MEF2C: variants seen among roughly 807,000 people sequenced by gnomAD.
MEF2C encodes the protein myocyte enhancer factor 2C.
Under a neutral mutation model 50.5 loss-of-function variants are expected in MEF2C, and 6 were observed. The observed-to-expected ratio is 0.12, with a 90% confidence interval of 0.07 to 0.23. The LOEUF (loss-of-function observed/expected upper bound fraction) is 0.23. MEF2C is among the 10% of genes least tolerant of loss of function. MEF2C has a pLI of 1.00. For missense variants in MEF2C, 276 were observed against 605.0 expected, an observed-to-expected ratio of 0.46 and a Z score of 5.70; for synonymous variants, 183 against 228.0, an observed-to-expected ratio of 0.80 and a Z score of 1.78.
At chr5:88,731,683 A>AT (rs1417578140) in intron 7 of MEF2C, 46 bp downstream of exon 7, 1 of 1,538,878 alleles carries the variant, frequency 6.5e-7, no homozygotes, top group South Asian at 1.1e-5. Context: ...AGCAAAACAT[A>AT]TACAAAACAT....
chr5:88,748,042 T>C (rs754882347), intron 6 of MEF2C: 59 of 984,480 alleles, frequency 6.0e-5, no homozygotes, highest in Non-Finnish European at 7.0e-5. Context: ...TGTTTGCTAA[T>C]CACTGTGTAG....
At chr5:88,889,634 G>C (rs1424304956) in intron 1 of MEF2C, among the ~76,000 whole-genome samples, 1 of 151,806 alleles carries the variant, frequency 6.6e-6, no homozygotes, top group Non-Finnish European at 1.5e-5. Context: ...CTTGTATTTA[G>C]TTGGGGGTTG....
At chr5:88,825,573 T>C in intron 1 of MEF2C, 2 of 979,962 alleles carry the variant, frequency 2.0e-6, no homozygotes, top group Non-Finnish European at 2.4e-6. Flanking sequence ...AGTTATAACA[T>C]ATTGAAATCA....
intron 6 of MEF2C, chr5:88,735,861 T>G: frequency 4.0e-5 from 39 of 985,420 alleles, no homozygotes; most frequent in Non-Finnish European, 4.6e-5. Context: ...GTAGCTCTCT[T>G]TGAGCTCAAA....
intron 1 of MEF2C, among the ~76,000 whole-genome samples, chr5:88,834,041 A>G (rs1814071213): frequency 6.6e-6 from 1 of 151,944 alleles, no homozygotes; most frequent in African/African-American, 2.4e-5. Flanking sequence ...ATCTGTGCAA[A>G]ACTCCAGAAC....
intron 1 of MEF2C, among the ~76,000 whole-genome samples, chr5:88,835,768 G>C (rs1423753199): frequency 6.8e-6 from 1 of 146,010 alleles, no homozygotes; most frequent in African/African-American, 2.6e-5. Context: ...AGCTGAGGTT[G>C]CACCATTGCA....
At chr5:88,815,793 G>A (rs763096146) in intron 2 of MEF2C, among the ~76,000 whole-genome samples, 8 of 151,820 alleles carry the variant, frequency 5.3e-5, no homozygotes, top group Admixed American at 1.3e-4. Flanking sequence ...GAAACAATTA[G>A]CATCATGTCT....
At chr5:88,885,316 G>A (rs1833958707), upstream of MEF2C, among the ~76,000 whole-genome samples, 1 of 152,126 alleles carries the variant, frequency 6.6e-6, no homozygotes, top group Admixed American at 6.5e-5. Context: ...ACTTGAAAGG[G>A]GAAGGTTTAT....
chr5:88,898,835 A>G (rs914717767), intron 1 of MEF2C, among the ~76,000 whole-genome samples: 2 of 152,130 alleles, frequency 1.3e-5, no homozygotes, highest in Non-Finnish European at 2.9e-5. Context: ...CCCCAGCTGT[A>G]TTTATCCATT....
intron 3 of MEF2C, among the ~76,000 whole-genome samples, chr5:88,764,965 A>G (rs944263458): frequency 6.6e-6 from 1 of 152,318 alleles, no homozygotes; most frequent in South Asian, 2.1e-4. Context: ...ACATCAGTTT[A>G]TGAATGAAAA....
chr5:88,731,530 A>ATT (rs11439565), intron 7 of MEF2C, 199 bp downstream of exon 7: 10 of 513,032 alleles, frequency 1.9e-5, no homozygotes, highest in African/African-American at 3.9e-5. Flanking sequence ...ATATATATAT[A>ATT]TTTTTTTTAC....
chr5:88,766,894 T>A, intron 3 of MEF2C: 1 of 885,842 alleles, frequency 1.1e-6, no homozygotes, highest in Non-Finnish European at 1.4e-6. Flanking sequence ...TGAATCATTT[T>A]TTTGCTTGTC....
chr5:88,761,815 C>A (rs1217792834), intron 3 of MEF2C: 1 of 156,752 alleles, frequency 6.4e-6, no homozygotes, highest in African/African-American at 2.4e-5. Context: ...ACAGCCTCCA[C>A]TTCTGATGTA....
At chr5:88,875,607 T>C (rs552090743) in intron 1 of MEF2C, among the ~76,000 whole-genome samples, 1 of 152,102 alleles carries the variant, frequency 6.6e-6, no homozygotes, top group East Asian at 1.9e-4. Flanking sequence ...TATTCTAAAC[T>C]GCTATATGGG....
intron 1 of MEF2C, among the ~76,000 whole-genome samples, chr5:88,844,852 TTA>T (rs1286309791): frequency 7.2e-5 from 11 of 152,196 alleles, no homozygotes; most frequent in African/African-American, 2.7e-4. Context: ...ACTATATAGA[TTA>T]ACTTGACAAT....
intron 6 of MEF2C, chr5:88,736,020 T>C (rs1561727743): frequency 1.0e-6 from 1 of 985,442 alleles, no homozygotes; most frequent in East Asian, 1.1e-4. Context: ...CATGGCTAAT[T>C]CTGCCATTGG....
chr5:88,726,278 C>T (rs1405089975), intron 10 of MEF2C, among the ~76,000 whole-genome samples: 1 of 152,004 alleles, frequency 6.6e-6, no homozygotes, highest in Non-Finnish European at 1.5e-5. Flanking sequence ...AATGTGAGCC[C>T]GCAACACAAA....
At chr5:88,826,163 G>C (rs968317938) in intron 1 of MEF2C, among the ~76,000 whole-genome samples, 2 of 151,532 alleles carry the variant, frequency 1.3e-5, no homozygotes, top group Non-Finnish European at 2.9e-5. Context: ...GCAGAGCAAG[G>C]ACTTAAAAAA....
rs1581210320 is a variant in MEF2C, at chr5:88,723,004, GC to G, written c.1101-80del. 10 of 1,251,754 alleles carry G rather than the reference GC, an allele frequency of 8.0e-6. No homozygotes were observed. In the East Asian group the frequency reaches 2.5e-4, roughly 32 times the overall value. The allele number at this position is 1,251,754 out of a possible 1,614,324, so 77.5% of individuals were successfully genotyped here. A position where few individuals can be genotyped will look rare whatever the true frequency, so the allele number is the denominator to read the frequency against. ...GAACTCACAATTAAATCAAACATCA[GC>G]TTAAAGACTCGCATAGACACCAGAG... is the stretch of plus-strand genomic sequence containing the variant. On this transcript the variant is annotated intron_variant, in intron 10 of 10. Transcript: ENST00000504921.
Sources: allele counts gnomAD v4.1 joint callset (sites outside exome capture counted in the v4.1 genomes callset), GRCh38; gene constraint gnomAD v4.1.1; transcripts MANE v1.5; gene names NCBI Gene and HGNC (gene_info 2026-07-23, HGNC 2026-07-21).